Variants in PLA2R1 observed in about 807,000 individuals in gnomAD.
PLA2R1 encodes the protein secretory phospholipase A2 receptor.
PLA2R1 carries 158 observed loss-of-function variants against 195.9 expected under a neutral mutation model. That is an observed-to-expected ratio of 0.81 (90% confidence interval 0.71 to 0.92). The LOEUF (loss-of-function observed/expected upper bound fraction) is 0.92. PLA2R1 is among the 40% of genes least tolerant of loss of function. PLA2R1 has a pLI of 0.00. For synonymous variants in PLA2R1, 586 were observed against 598.2 expected (o/e 0.98, Z 0.30); for missense variants, 1,626 against 1,764.6 (o/e 0.92, Z 1.41).
At chr2:159,947,810 G>C (rs928136012) in intron 25 of PLA2R1, among the ~76,000 whole-genome samples, 1 of 152,122 alleles carries the variant, frequency 6.6e-6, no homozygotes, top group East Asian at 1.9e-4. Flanking sequence ...CTTAGTTTGG[G>C]TGCTGCCTGG....
chr2:159,955,382 CAT>C (rs1560143518), intron 22 of PLA2R1, 36 bp from the exon 23 acceptor site: 1 of 1,342,776 alleles, frequency 7.4e-7, no homozygotes, highest in Non-Finnish European at 1.0e-6. Flanking sequence ...AGTATGATAA[CAT>C]ATAGCATTAT....
In PLA2R1 at chr2:160,062,382, G is replaced by GCAGCGA. The variant is rs1696028828; in HGVS notation, c.16_21dup (p.Ser6_Leu7dup). 1 of 1,540,350 alleles carries GCAGCGA rather than the reference G, an allele frequency of 6.5e-7. No individual in the cohort carries two copies. The highest frequency in any genetic ancestry group is 1.9e-4 in the Middle Eastern group (1 of 5,282). On this transcript the variant is annotated inframe_insertion, in exon 1 of 30. Coordinates refer to ENST00000283243, the MANE Select transcript of PLA2R1 (RefSeq NM_007366.5). ...GGCGCCCCCAGCAGCAGCAGCAGCA[G>GCAGCGA]CAGCGACGGCGACAGCAGCATCGCT...
At position 159,946,812 on chromosome 2, in the gene PLA2R1, A is replaced by G. The variant is rs760903682; in HGVS notation, c.3956T>C (p.Phe1319Ser). ...SVQMVWLNAQ[F>S]DGNNETIKWF... is the part of the protein sequence containing the mutation. ...CCCAAATCACTTACTGTTACCATCA[A>G]ATTGAGCATTCAACCAAACCATCTG... The change falls in exon 27 of 30, where the codon TTT (phenylalanine) becomes TCT (serine). Residue 1319 changes from phenylalanine to serine, a missense_variant. Physicochemically the swap from Phe to Ser is radical, Grantham distance 155 (BLOSUM62 -2). Coordinates refer to ENST00000283243, the MANE Select transcript of PLA2R1 (RefSeq NM_007366.5). The G allele has an allele frequency of 1.9e-6, 3 of 1,607,382 alleles. No individual in the cohort carries two copies. Among genetic ancestry groups the G allele is most frequent in the South Asian group, 2.2e-5 (2 of 89,612 alleles).
chr2:159,925,961 T>G, the PLA2R1 span, among the ~76,000 whole-genome samples: 4,110 of 152,256 alleles, frequency 0.027, 163 homozygotes, highest in African/African-American at 0.088. Flanking sequence ...TGTGACCTTT[T>G]TGGTGGGGGG....
At chr2:160,032,801 G>A (rs1176988251) in intron 4 of PLA2R1, among the ~76,000 whole-genome samples, 158 bp downstream of exon 4, 1 of 152,148 alleles carries the variant, frequency 6.6e-6, no homozygotes, top group African/African-American at 2.4e-5. Flanking sequence ...ATCACTCAAG[G>A]TTCATGGAAA....
At chr2:160,057,329 A>C (rs2105707763) in intron 1 of PLA2R1, among the ~76,000 whole-genome samples, 1 of 152,210 alleles carries the variant, frequency 6.6e-6, no homozygotes, top group African/African-American at 2.4e-5. Flanking sequence ...GCCCTGAAGA[A>C]CCTGTCCTGG....
chr2:160,041,053 C>T (rs993437696), intron 3 of PLA2R1, among the ~76,000 whole-genome samples: 3 of 152,170 alleles, frequency 2.0e-5, no homozygotes, highest in African/African-American at 4.8e-5. Flanking sequence ...AGCAGGACTC[C>T]AATCTTGGCC....
rs972307815 is a variant in PLA2R1 at position 159,987,032 on chromosome 2, C to G, written c.2037+124G>C. ...CAGGCAACAAATGTTGATTAAGCACCTGCTGTCTGTCAGGCACTGTTCTGG... is the reference window on the plus strand; with the variant it reads ...CAGGCAACAAATGTTGATTAAGCACGTGCTGTCTGTCAGGCACTGTTCTGG... On this transcript the variant is annotated intron_variant, in intron 12 of 29. Coordinates refer to ENST00000283243, the MANE Select transcript of PLA2R1 (RefSeq NM_007366.5). 7.5e-6 allele frequency: 5 copies of G among 664,516 alleles called. No homozygotes were observed. The African/African-American group carries it at 9.1e-5, about 12-fold the overall frequency. The allele number at this position is 664,516 out of a possible 1,614,324, so 41.2% of individuals were successfully genotyped here.
intron 24 of PLA2R1, 145 bp downstream of exon 24, chr2:159,951,195 T>C (rs1352573610): frequency 3.3e-6 from 2 of 610,670 alleles, no homozygotes; most frequent in East Asian, 5.5e-5. Flanking sequence ...GGTCAGGTAA[T>C]TGCATAAACC....
chr2:160,020,142 T>C lies in PLA2R1; in HGVS notation c.1416A>G (p.Pro472=). Residue 472 remains proline, a synonymous_variant, in exon 8 of 30, where the codon CCA becomes CCG. Coordinates refer to ENST00000283243, the MANE Select transcript of PLA2R1 (RefSeq NM_007366.5). ...CTGAGACACACAGCTGGCTTCTATT[T>C]GGAAAAATGTGGGGCTCAAGTGTGT... ...NWHTLEPHIF[P]NRSQLCVSAE... is the part of the protein sequence containing the mutation. The C allele has an allele frequency of 6.2e-7, 1 of 1,613,928 alleles. No homozygotes were observed. The highest frequency in any genetic ancestry group is 8.5e-7 in the Non-Finnish European group (1 of 1,179,874).
chr2:159,951,670 A>T, intron 23 of PLA2R1, 92 bp from the exon 24 acceptor site: 1 of 723,486 alleles, frequency 1.4e-6, no homozygotes, highest in African/African-American at 1.7e-5. Context: ...ACTATGATCC[A>T]TGTTGATCAG....
chr2:160,008,646 T>A (rs1664194292), intron 10 of PLA2R1, among the ~76,000 whole-genome samples: 1 of 152,198 alleles, frequency 6.6e-6, no homozygotes, highest in African/African-American at 2.4e-5. Context: ...TGGCAATGAT[T>A]TCTTGTATAT....
chr2:160,057,805 C>T (rs1235229112), intron 1 of PLA2R1, among the ~76,000 whole-genome samples: 1 of 152,222 alleles, frequency 6.6e-6, no homozygotes, highest in African/African-American at 2.4e-5. Flanking sequence ...CCTTCTCACA[C>T]CCTCTAACCT....
intron 3 of PLA2R1, among the ~76,000 whole-genome samples, chr2:160,038,151 T>C (rs773516498): frequency 2.0e-5 from 3 of 152,156 alleles, no homozygotes; most frequent in Non-Finnish European, 4.4e-5. Context: ...ATTCTCTCTA[T>C]TTAGAGGATG....
chr2:160,002,641 C>T (rs1043228619), intron 11 of PLA2R1, among the ~76,000 whole-genome samples: 5 of 151,910 alleles, frequency 3.3e-5, no homozygotes, highest in Non-Finnish European at 7.4e-5. Context: ...TGGACTTTAC[C>T]CCAGATCTAC....
intron 3 of PLA2R1, among the ~76,000 whole-genome samples, chr2:160,037,409 C>T (rs925844945): frequency 2.0e-5 from 3 of 152,140 alleles, no homozygotes; most frequent in African/African-American, 7.2e-5. Context: ...ACTCTTGCCA[C>T]ATTGTCTTTC....
At chr2:159,986,680 G>A (rs1008148216) in intron 12 of PLA2R1, among the ~76,000 whole-genome samples, 2 of 151,556 alleles carry the variant, frequency 1.3e-5, no homozygotes, top group East Asian at 1.9e-4. Flanking sequence ...TCTGCCTCCC[G>A]GGTTCGAGCC....
At position 159,999,466 on chromosome 2, in the gene PLA2R1, G is replaced by A. The variant is rs1573860414; in HGVS notation, c.1834+6186C>T. On this transcript the variant is annotated intron_variant, in intron 11 of 29. Transcript: ENST00000283243. ...TGCAAGCTCCGCCTCCCGGGTTCAC[G>A]CCATTCTCCTGCCTCAGCCTCCCAA... 1.3e-4 allele frequency among the ~76,000 whole-genome samples: 2 copies of A among 15,264 alleles called. 1 individual carries two copies. Among genetic ancestry groups the A allele is most frequent in the East Asian group, 4.9e-3 (2 of 408 alleles). 10.0% of individuals were successfully genotyped at this position (15,264 alleles called of 152,430 possible).
the PLA2R1 span, among the ~76,000 whole-genome samples, chr2:159,925,221 T>C: frequency 4.1e-3 from 617 of 152,196 alleles, 1 homozygote; most frequent in Non-Finnish European, 7.6e-3. Flanking sequence ...AATTAGGATC[T>C]TGCATGTCTT....
Sources: gnomAD v4.1 joint callset for allele counts (sites outside exome capture counted in the v4.1 genomes callset) on GRCh38, gnomAD v4.1.1 for gene constraint, MANE v1.5 for transcripts, NCBI Gene and HGNC (gene_info 2026-07-23, HGNC 2026-07-21) for gene names.